The following GLT1D1 variants were observed in gnomAD, a reference collection of about 807,000 sequenced individuals.
GLT1D1 encodes the protein glycosyltransferase 1 domain-containing protein 1.
GLT1D1 carries 21 observed loss-of-function variants against 28.7 expected under a neutral mutation model. The observed-to-expected ratio is 0.73, with a 90% CI of 0.52 to 1.05. The LOEUF (loss-of-function observed/expected upper bound fraction) is 1.05, where lower values mean the gene tolerates loss of function less well. Ranked by LOEUF, GLT1D1 falls within the 50% of genes least tolerant of loss-of-function variation. The probability of loss-of-function intolerance (pLI) is 0.00; values close to 1 mark genes in which losing one functional copy is unlikely to be tolerated. For missense variants in GLT1D1, 343 were observed against 330.6 expected (o/e 1.04, Z -0.29); for synonymous variants, 147 against 124.8 (o/e 1.18, Z -1.19).
At chr12:128,900,904 G>C (rs1437116695) in intron 4 of GLT1D1, among the ~76,000 whole-genome samples, 1 of 151,692 alleles carries the variant, frequency 6.6e-6, no homozygotes, top group Admixed American at 6.6e-5. Flanking sequence ...CCAAAGTGTT[G>C]GGGCTACAGG....
chr12:128,915,699 C>T (rs1299477706), intron 4 of GLT1D1, among the ~76,000 whole-genome samples: 1 of 152,160 alleles, frequency 6.6e-6, no homozygotes, highest in South Asian at 2.1e-4. Context: ...CTTGAAATTT[C>T]ATCACCAAAA....
chr12:128,926,080 C>T (rs1186710834), intron 4 of GLT1D1, among the ~76,000 whole-genome samples: 2 of 151,806 alleles, frequency 1.3e-5, no homozygotes, highest in Non-Finnish European at 2.9e-5. Flanking sequence ...ATCCCAGCTA[C>T]TCAGGAGGCT....
At chr12:128,974,968 C>G (rs551349214) in intron 7 of GLT1D1, among the ~76,000 whole-genome samples, 5 of 152,348 alleles carry the variant, frequency 3.3e-5, no homozygotes, top group African/African-American at 1.2e-4. Context: ...TCCCCTCCAC[C>G]AGCAGTGAAG....
intron 6 of GLT1D1, among the ~76,000 whole-genome samples, chr12:128,955,103 C>A (rs904805578): frequency 6.6e-6 from 1 of 152,188 alleles, no homozygotes; most frequent in Non-Finnish European, 1.5e-5. Context: ...CAAGATGGTA[C>A]AACTAGTATC....
chr12:128,920,630 C>G (rs1417052413), intron 4 of GLT1D1, among the ~76,000 whole-genome samples: 1 of 152,158 alleles, frequency 6.6e-6, no homozygotes, highest in Non-Finnish European at 1.5e-5. Context: ...GAGACTGCCT[C>G]AGCGTGGATT....
intron 1 of GLT1D1, among the ~76,000 whole-genome samples, chr12:128,857,880 C>T (rs751776113): frequency 6.6e-6 from 1 of 152,164 alleles, no homozygotes; most frequent in Non-Finnish European, 1.5e-5. Flanking sequence ...ATGTATTGGC[C>T]TGGGAAGCAC....
intron 4 of GLT1D1, 134 bp downstream of exon 8, chr12:128,927,288 G>A (rs1358294793): frequency 5.9e-6 from 4 of 676,706 alleles, no homozygotes; most frequent in Non-Finnish European, 1.0e-5. Flanking sequence ...CCCCAGGCTG[G>A]AGTGCAGTGG....
chr12:128,883,834 AG>A (rs1957120240), intron 2 of GLT1D1, among the ~76,000 whole-genome samples: 2 of 152,154 alleles, frequency 1.3e-5, no homozygotes, highest in African/African-American at 4.8e-5. Flanking sequence ...TATTAGAGCA[AG>A]GGGTGCAGAC....
At chr12:128,879,378 T>TTTCTTTCTTTC (rs1956953393) in intron 2 of GLT1D1, among the ~76,000 whole-genome samples, 744 of 69,994 alleles carry the variant, frequency 0.011, 94 homozygotes, top group Middle Eastern at 0.022. Context: ...ATTTTTTTCT[T>TTTCTTTCTTTC]TTTCTTTCTT....
intron 2 of GLT1D1, among the ~76,000 whole-genome samples, chr12:128,876,912 C>T (rs957721246): frequency 6.6e-6 from 1 of 152,190 alleles, no homozygotes; most frequent in African/African-American, 2.4e-5. Context: ...CTCTCCCTGA[C>T]ACAAAGCTAC....
chr12:128,861,811 G>A (rs979810842), intron 1 of GLT1D1, among the ~76,000 whole-genome samples: 1 of 152,064 alleles, frequency 6.6e-6, no homozygotes. Context: ...TTCCAGGCCC[G>A]GCTACTTTCT....
At chr12:128,857,059 G>A (rs562392184) in intron 1 of GLT1D1, among the ~76,000 whole-genome samples, 1 of 152,192 alleles carries the variant, frequency 6.6e-6, no homozygotes, top group Non-Finnish European at 1.5e-5. Context: ...AATATTACCT[G>A]TTATTTAATA....
At chr12:128,981,468 G>T (rs1880310514) in intron 7 of GLT1D1, among the ~76,000 whole-genome samples, 1 of 150,876 alleles carries the variant, frequency 6.6e-6, no homozygotes, top group Non-Finnish European at 1.5e-5. Context: ...GTTCTACCCT[G>T]AAACGGGAAT....
intron 7 of GLT1D1, among the ~76,000 whole-genome samples, chr12:128,971,916 C>T (rs185157103): frequency 3.5e-5 from 5 of 142,254 alleles, no homozygotes; most frequent in African/African-American, 1.1e-4. Flanking sequence ...CTCATCGTTC[C>T]GCATTAGTGA....
chr12:128,912,533 TA>T (rs1176142153), intron 4 of GLT1D1, 73 bp downstream of exon 5: 1 of 649,102 alleles, frequency 1.5e-6, no homozygotes, highest in Non-Finnish European at 2.5e-6. Context: ...GATGCATATT[TA>T]TATGTGATAA....
intron 1 of GLT1D1, among the ~76,000 whole-genome samples, chr12:128,859,828 T>C (rs1472342776): frequency 6.6e-6 from 1 of 152,148 alleles, no homozygotes; most frequent in Non-Finnish European, 1.5e-5. Flanking sequence ...TCCTTCATGA[T>C]AGAGGGAAAA....
intron 4 of GLT1D1, among the ~76,000 whole-genome samples, chr12:128,943,164 C>A (rs372614771): frequency 6.6e-6 from 1 of 152,182 alleles, no homozygotes; most frequent in Non-Finnish European, 1.5e-5. Context: ...CAAAGAACTC[C>A]TTCAGGAAAC....
chr12:128,914,158 T>C (rs1488075671), intron 4 of GLT1D1, among the ~76,000 whole-genome samples: 1 of 152,176 alleles, frequency 6.6e-6, no homozygotes, highest in African/African-American at 2.4e-5. Context: ...GTCATTTTTT[T>C]TTTCAGCAAA....
At chr12:128,863,928 A>G (rs1331728992) in intron 1 of GLT1D1, among the ~76,000 whole-genome samples, 2 of 144,564 alleles carry the variant, frequency 1.4e-5, no homozygotes, top group African/African-American at 5.2e-5. Flanking sequence ...CCTGGGCGAC[A>G]GAGCAAGACT....
Sources: allele counts gnomAD v4.1 joint callset (sites outside exome capture counted in the v4.1 genomes callset), GRCh38; gene constraint gnomAD v4.1.1; transcripts MANE v1.5; gene names NCBI Gene and HGNC (gene_info 2026-07-23, HGNC 2026-07-21).